The following EDIL3 variants were observed in gnomAD, a reference collection of about 807,000 sequenced individuals.
EDIL3 encodes the protein EGF like and discoidin domains 3.
EDIL3 carries 37 observed loss-of-function variants against 67.4 expected under a neutral mutation model. That is an observed-to-expected ratio of 0.55 (90% CI 0.42 to 0.72). EDIL3 has a LOEUF of 0.72. EDIL3 is among the 30% of genes least tolerant of loss of function. The probability of loss-of-function intolerance (pLI) is 0.00; values close to 1 mark genes in which losing one functional copy is unlikely to be tolerated. For synonymous variants in EDIL3, 195 were observed against 196.3 expected, an observed-to-expected ratio of 0.99 and a Z score of 0.05; for missense variants, 527 against 586.3, an observed-to-expected ratio of 0.90 and a Z score of 1.04.
At chr5:84,166,627 C>A (rs1054185687) in intron 4 of EDIL3, among the ~76,000 whole-genome samples, 1 of 152,020 alleles carries the variant, frequency 6.6e-6, no homozygotes, top group Non-Finnish European at 1.5e-5. Flanking sequence ...AATATTAAAA[C>A]ATAAATATAA....
intron 5 of EDIL3, among the ~76,000 whole-genome samples, chr5:84,114,115 C>A (rs908070613): frequency 2.0e-5 from 3 of 148,810 alleles, no homozygotes; most frequent in African/African-American, 7.4e-5. Context: ...CTCTTTCTCA[C>A]GCTGTGGCCT....
At chr5:84,319,577 A>G (rs1746590029) in intron 1 of EDIL3, among the ~76,000 whole-genome samples, 1 of 143,302 alleles carries the variant, frequency 7.0e-6, no homozygotes, top group African/African-American at 2.6e-5. Flanking sequence ...TTCAACCATT[A>G]TGGAAGACAG....
At chr5:84,271,462 T>A (rs868269832) in intron 1 of EDIL3, among the ~76,000 whole-genome samples, 24 of 138,528 alleles carry the variant, frequency 1.7e-4, no homozygotes, top group African/African-American at 6.2e-4. Flanking sequence ...TAAATAAATA[T>A]AAAATAAAGG....
At chr5:84,071,671 A>T (rs1408069650) in intron 6 of EDIL3, among the ~76,000 whole-genome samples, 1 of 152,240 alleles carries the variant, frequency 6.6e-6, no homozygotes, top group Non-Finnish European at 1.5e-5. Context: ...AAGAGGATGG[A>T]TTGCTGAGAT....
chr5:84,153,916 C>A (rs1748444898), intron 4 of EDIL3, among the ~76,000 whole-genome samples: 1 of 152,184 alleles, frequency 6.6e-6, no homozygotes. Flanking sequence ...TCTCAGACAT[C>A]TGAGTGTTGC....
intron 10 of EDIL3, among the ~76,000 whole-genome samples, chr5:83,954,960 G>C (rs1744487889): frequency 6.6e-6 from 1 of 151,770 alleles, no homozygotes; most frequent in African/African-American, 2.4e-5. Flanking sequence ...AAGTTTGATA[G>C]TCTTGATCAT....
intron 6 of EDIL3, among the ~76,000 whole-genome samples, chr5:84,080,009 C>G (rs949662363): frequency 6.8e-6 from 1 of 147,316 alleles, no homozygotes; most frequent in Non-Finnish European, 1.5e-5. Context: ...CTCTGGTTCA[C>G]GCCTGTAATC....
chr5:84,054,258 A>G (rs1260843079), intron 9 of EDIL3, among the ~76,000 whole-genome samples: 1 of 152,054 alleles, frequency 6.6e-6, no homozygotes, highest in Admixed American at 6.6e-5. Context: ...AATTTCAACA[A>G]CTCTTCATGC....
At chr5:84,274,059 T>C (rs1745527182) in intron 1 of EDIL3, among the ~76,000 whole-genome samples, 1 of 152,162 alleles carries the variant, frequency 6.6e-6, no homozygotes, top group East Asian at 1.9e-4. Flanking sequence ...TAGTTCTGAT[T>C]TGAAAAGTGC....
chr5:83,977,724 A>G (rs978386679), intron 9 of EDIL3, among the ~76,000 whole-genome samples: 1 of 151,564 alleles, frequency 6.6e-6, no homozygotes. Context: ...TTTATATTAA[A>G]TTTTTTCTAC....
chr5:83,982,706 A>C (rs959179256), intron 9 of EDIL3, among the ~76,000 whole-genome samples: 2 of 152,178 alleles, frequency 1.3e-5, no homozygotes, highest in East Asian at 1.9e-4. Context: ...GAAGTGAAAT[A>C]AGTATTCACA....
intron 3 of EDIL3, among the ~76,000 whole-genome samples, chr5:84,189,777 CT>C (rs1743540614): frequency 6.6e-6 from 1 of 151,968 alleles, no homozygotes; most frequent in Admixed American, 6.6e-5. Context: ...TCAAAACATG[CT>C]GTCTAATTTT....
At chr5:84,253,722 T>C (rs907333084) in intron 2 of EDIL3, among the ~76,000 whole-genome samples, 8 of 152,074 alleles carry the variant, frequency 5.3e-5, no homozygotes, top group Non-Finnish European at 1.0e-4. Context: ...AAACATCCTG[T>C]TTTATTTACA....
intron 9 of EDIL3, among the ~76,000 whole-genome samples, chr5:83,980,316 T>C (rs1028368330): frequency 1.3e-5 from 2 of 151,966 alleles, no homozygotes; most frequent in East Asian, 3.9e-4. Context: ...TTATTTACTA[T>C]AAAACGGCAA....
At chr5:84,308,130 G>C (rs1284257249) in intron 1 of EDIL3, among the ~76,000 whole-genome samples, 1 of 152,034 alleles carries the variant, frequency 6.6e-6, no homozygotes. Flanking sequence ...GAGAGAAGTG[G>C]ACATAGGAAA....
At chr5:84,242,223 C>T (rs1744810874) in intron 2 of EDIL3, among the ~76,000 whole-genome samples, 1 of 150,744 alleles carries the variant, frequency 6.6e-6, no homozygotes, top group South Asian at 2.1e-4. Flanking sequence ...CAGAGCGAGA[C>T]TCTGTCTCAA....
At chr5:84,137,452 G>T in intron 4 of EDIL3, 98 bp from the exon 5 acceptor site, 2 of 1,062,962 alleles carry the variant, frequency 1.9e-6, no homozygotes, top group Non-Finnish European at 2.8e-6. Context: ...TCTTAGTAAT[G>T]CTATTCCTTT....
chr5:84,202,272 G>A (rs1476299539), intron 3 of EDIL3, among the ~76,000 whole-genome samples: 1 of 152,088 alleles, frequency 6.6e-6, no homozygotes, highest in East Asian at 1.9e-4. Flanking sequence ...GAGACCCTGG[G>A]TATCTACAAT....
At chr5:84,042,965 T>C (rs1746159286) in intron 9 of EDIL3, among the ~76,000 whole-genome samples, 1 of 152,072 alleles carries the variant, frequency 6.6e-6, no homozygotes, top group Non-Finnish European at 1.5e-5. Context: ...CATAGAGAAA[T>C]GAACATAGAA....
Sources: gnomAD v4.1 joint callset for allele counts (sites outside exome capture counted in the v4.1 genomes callset) on GRCh38, gnomAD v4.1.1 for gene constraint, MANE v1.5 for transcripts, NCBI Gene and HGNC (gene_info 2026-07-23, HGNC 2026-07-21) for gene names.